GSE1: variants seen among roughly 807,000 people sequenced by gnomAD.
GSE1 encodes the protein genetic suppressor element 1.
Under a neutral mutation model 112.6 loss-of-function variants are expected in GSE1, and 32 were observed. The ratio of observed to expected loss-of-function variants is 0.28; its 90% CI spans 0.21 to 0.38. The LOEUF (loss-of-function observed/expected upper bound fraction) is 0.38. Ranked by LOEUF, GSE1 falls within the 10% of genes least tolerant of loss-of-function variation. The probability of loss-of-function intolerance (pLI) is 1.00; values close to 1 mark genes in which losing one functional copy is unlikely to be tolerated. For missense variants in GSE1, 2,348 were observed against 1,699.2 expected (o/e 1.38, Z -6.71); for synonymous variants, 1,115 against 735.6 (o/e 1.52, Z -8.35).
chr16:85,187,649 G>A (rs532220246), intron 1 of GSE1, among the ~76,000 whole-genome samples: 6 of 152,298 alleles, frequency 3.9e-5, no homozygotes, highest in Admixed American at 3.9e-4. Context: ...AGGGTGTGCG[G>A]ACATCAGGCC....
Position 85,656,496 on chromosome 16 carries a change from C to G in GSE1, c.1143C>G (p.Arg381=). ...AGGAGCGTGAGCGTGAGAAGGAGCG[C>G]GAGCGCGAGCTGGAGCGCCAGCGGG... ...QEKEREREKE[R]ERELERQREQ... is the part of the protein sequence containing the mutation. The change falls in exon 7 of 16, where the codon CGC becomes CGG. Residue 381 remains arginine (R), a synonymous_variant. Coordinates refer to ENST00000253458, the MANE Select transcript of GSE1 (RefSeq NM_014615.5). 1.9e-6 allele frequency: 3 copies of G among 1,544,844 alleles called. No homozygotes were observed. Among genetic ancestry groups the G allele is most frequent in the South Asian group, 1.2e-5 (1 of 83,862 alleles).
intron 1 of GSE1, among the ~76,000 whole-genome samples, chr16:85,629,342 C>A (rs764268633): frequency 6.6e-6 from 1 of 152,228 alleles, no homozygotes; most frequent in Non-Finnish European, 1.5e-5. Context: ...CTCATGAAGG[C>A]CACAGGAGAG....
chr16:85,612,744 CCCCCA>C (rs2048075825), upstream of GSE1, among the ~76,000 whole-genome samples: 1 of 152,088 alleles, frequency 6.6e-6, no homozygotes, highest in Non-Finnish European at 1.5e-5. Context: ...GTGTCGCCTC[CCCCCA>C]CCCCACGCGC....
At chr16:85,525,854 G>A (rs2052348878) in intron 2 of GSE1, among the ~76,000 whole-genome samples, 1 of 152,190 alleles carries the variant, frequency 6.6e-6, no homozygotes, top group Non-Finnish European at 1.5e-5. Context: ...CTGCCTAGTA[G>A]AGGGAGCACT....
At chr16:85,350,237 T>C (rs2046826626) in intron 1 of GSE1, among the ~76,000 whole-genome samples, 1 of 152,174 alleles carries the variant, frequency 6.6e-6, no homozygotes, top group African/African-American at 2.4e-5. Context: ...CTCGCTTGGT[T>C]TCTCCTAGTC....
intron 1 of GSE1, among the ~76,000 whole-genome samples, chr16:85,276,394 T>C (rs963222306): frequency 6.6e-6 from 1 of 152,222 alleles, no homozygotes; most frequent in African/African-American, 2.4e-5. Flanking sequence ...GAAGTCTGGC[T>C]TACAGCTTGG....
At chr16:85,188,411 G>A (rs758754595) in intron 1 of GSE1, among the ~76,000 whole-genome samples, 1 of 152,084 alleles carries the variant, frequency 6.6e-6, no homozygotes, top group Admixed American at 6.5e-5. Context: ...CTGTTCCTCC[G>A]TTCTCACTGT....
At chr16:85,401,422 G>A (rs1418555372) in intron 2 of GSE1, among the ~76,000 whole-genome samples, 1 of 152,194 alleles carries the variant, frequency 6.6e-6, no homozygotes, top group East Asian at 1.9e-4. Context: ...GCCCCAGCGG[G>A]ACCGGAGCTC....
intron 1 of GSE1, among the ~76,000 whole-genome samples, chr16:85,333,817 G>C (rs893008346): frequency 6.6e-6 from 1 of 152,102 alleles, no homozygotes; most frequent in African/African-American, 2.4e-5. Context: ...GGGGCCCCAA[G>C]CTGCAGCCTC....
chr16:85,595,763 C>T (rs975117798), intron 1 of GSE1: 2 of 150,930 alleles, frequency 1.3e-5, no homozygotes, highest in African/African-American at 4.9e-5. Flanking sequence ...CACTCATCCA[C>T]CCAACCATCT....
At chr16:85,440,488 C>T (rs2151779687) in intron 2 of GSE1, among the ~76,000 whole-genome samples, 1 of 152,316 alleles carries the variant, frequency 6.6e-6, no homozygotes, top group South Asian at 2.1e-4. Flanking sequence ...AGACGGACAG[C>T]TGGCCAGTCC....
At position 85,419,206 on chromosome 16, in the gene GSE1, G is replaced by T. The variant is rs62050372; in HGVS notation, c.2464+61563G>T. Among the ~76,000 whole-genome samples, 1 of 152,226 alleles carries T rather than the reference G, an allele frequency of 6.6e-6. No homozygotes were observed. The highest frequency in any genetic ancestry group is 1.5e-5 in the Non-Finnish European group (1 of 68,046). On this transcript the variant is annotated intron_variant, in intron 2 of 2. Transcript: ENST00000637419. This position sits in a 1 kb window ranked among gnomAD's most constrained non-coding sequence, Gnocchi z 6.5. ...ACAGTCAGAGGCTGCCTTAGTCTCTGCAGGGACAGCAGTGAGGGTGCCCGG... is the reference window on the plus strand; with the variant it reads ...ACAGTCAGAGGCTGCCTTAGTCTCTTCAGGGACAGCAGTGAGGGTGCCCGG...
intron 1 of GSE1, among the ~76,000 whole-genome samples, chr16:85,591,574 G>C (rs576570347): frequency 6.6e-6 from 1 of 152,342 alleles, no homozygotes; most frequent in African/African-American, 2.4e-5. Context: ...GCTGTCGGCA[G>C]TGCCCCCCGT....
intron 2 of GSE1, among the ~76,000 whole-genome samples, chr16:85,548,204 G>A (rs2044768742): frequency 6.8e-6 from 1 of 146,684 alleles, no homozygotes; most frequent in Non-Finnish European, 1.5e-5. Flanking sequence ...ACTCCAGCCT[G>A]GTGACAGAGT....
chr16:85,654,344 G>A lies in GSE1; in HGVS notation c.493G>A (p.Glu165Lys), dbSNP rs779294425. ...RLIVEPPLPQEKAGGPAIPSH... is the reference protein window; with the variant it reads ...RLIVEPPLPQKKAGGPAIPSH... ...CATTGTGGAGCCCCCGCTCCCTCAG[G>A]AGAAGGCAGGGGGACCAGCCATCCC... is the stretch of plus-strand genomic sequence containing the variant. The change falls in exon 4 of 16, where the codon GAG becomes AAG. Residue 165 changes from glutamate to lysine, a missense_variant. Physicochemically the swap from Glu to Lys is moderately conservative, Grantham distance 56 (BLOSUM62 1). Coordinates refer to ENST00000253458, the MANE Select transcript of GSE1 (RefSeq NM_014615.5). 6.2e-7 allele frequency: 1 copy of A among 1,612,272 alleles called. No homozygotes were observed. Among genetic ancestry groups the A allele is most frequent in the Non-Finnish European group, 8.5e-7 (1 of 1,179,748 alleles).
At chr16:85,194,778 C>G (rs1340905401) in intron 1 of GSE1, among the ~76,000 whole-genome samples, 2 of 152,194 alleles carry the variant, frequency 1.3e-5, no homozygotes, top group African/African-American at 4.8e-5. Flanking sequence ...AAAAGACCTT[C>G]TCTCCAGGGT....
chr16:85,349,409 C>T (rs1194458888), intron 1 of GSE1, among the ~76,000 whole-genome samples: 1 of 152,160 alleles, frequency 6.6e-6, no homozygotes, highest in Non-Finnish European at 1.5e-5. Flanking sequence ...GGCTTTGGTG[C>T]GGGGCCACAG....
chr16:85,351,188 G>A (rs2046843950), intron 1 of GSE1, among the ~76,000 whole-genome samples: 1 of 152,200 alleles, frequency 6.6e-6, no homozygotes. Flanking sequence ...AATCTGGCTG[G>A]ATGCCCAGGA....
At chr16:85,378,867 C>G (rs1400776819) in intron 2 of GSE1, among the ~76,000 whole-genome samples, 1 of 152,212 alleles carries the variant, frequency 6.6e-6, no homozygotes, top group Non-Finnish European at 1.5e-5. Flanking sequence ...CTCTCCTCCA[C>G]TTGAGAACTT....
Sources: allele counts gnomAD v4.1 joint callset (sites outside exome capture counted in the v4.1 genomes callset), GRCh38; gene constraint gnomAD v4.1.1; non-coding constraint Gnocchi (gnomAD v3.1); transcripts MANE v1.5; gene names NCBI Gene and HGNC (gene_info 2026-07-23, HGNC 2026-07-21).